Variants in COL6A3 observed in about 807,000 individuals in gnomAD.
COL6A3 encodes collagen type VI alpha 3 chain.
Under a neutral mutation model 274.1 loss-of-function variants are expected in COL6A3, and 137 were observed. The ratio of observed to expected loss-of-function variants is 0.50; its 90% CI spans 0.44 to 0.58. COL6A3 has a LOEUF of 0.58. Ranked by LOEUF, COL6A3 falls within the 20% of genes least tolerant of loss-of-function variation. The pLI, the probability that COL6A3 is intolerant of heterozygous loss-of-function variation, is 0.00. For missense variants in COL6A3, 3,950 were observed against 4,124.9 expected, an observed-to-expected ratio of 0.96 and a Z score of 1.16; for synonymous variants, 1,650 against 1,650.6, an observed-to-expected ratio of 1.00 and a Z score of 0.01.
Position 237,334,732 on chromosome 2 carries a change from C to T in COL6A3, c.9123G>A (p.Thr3041=), listed in dbSNP as rs61729843. ...SLVLKQNLTV[T]DRVIGGLLAG... is the part of the protein sequence containing the mutation. ...CGAGCAGGCCTCCAATGACGCGGTC[C>T]GTGACCGTGAGGTTCTGCTTCAGAA... The change falls in exon 41 of 44, where the codon ACG becomes ACA. Residue 3041 remains threonine (T), a synonymous_variant. Coordinates refer to ENST00000295550, the MANE Select transcript of COL6A3 (RefSeq NM_004369.4). 0.035 allele frequency: 56,088 copies of T among 1,614,024 alleles called. 1,123 individuals are homozygous for T. The highest frequency in any genetic ancestry group is 0.041 in the Non-Finnish European group (48,284 of 1,180,010).
At position 237,380,978 on chromosome 2, in the gene COL6A3, G is replaced by A. The variant is rs150162992; in HGVS notation, c.1834C>T (p.Pro612Ser). The change falls in exon 5 of 44, where the codon CCA (proline) becomes TCA (serine). Residue 612 changes from proline (P) to serine (S), a missense_variant. Around this residue, in one of 5 missense-constraint regions of COL6A3, gnomAD observed 1,934 missense variants for 1,984.3 expected, o/e 0.97. Transcript: ENST00000295550. ...AAGCCAGGCAGCATGCCTTGCAATG[G>A]GGCGGCTCGGAACTCAGCTGGGATG... ...VFIPAEFRAAPLQGMLPGLLA... is the reference protein window; with the variant it reads ...VFIPAEFRAASLQGMLPGLLA... 1 of 1,614,190 alleles carries A rather than the reference G, an allele frequency of 6.2e-7. No homozygotes were observed. Among genetic ancestry groups the A allele is most frequent in the South Asian group, 1.1e-5 (1 of 91,080 alleles).
chr2:237,400,281 G>A (rs2078556985), intron 1 of COL6A3, among the ~76,000 whole-genome samples: 1 of 152,120 alleles, frequency 6.6e-6, no homozygotes, highest in Admixed American at 6.5e-5. Flanking sequence ...TTTGAAATGT[G>A]ACTTTTTTCA....
chr2:237,353,682 C>T (rs1009487231), intron 24 of COL6A3, among the ~76,000 whole-genome samples: 8 of 152,090 alleles, frequency 5.3e-5, no homozygotes, highest in African/African-American at 1.2e-4. Context: ...AGCAGAGGAC[C>T]GAGACACCGG....
chr2:237,333,011 C>T, intron 42 of COL6A3: 1 of 288,610 alleles, frequency 3.5e-6, no homozygotes, highest in East Asian at 8.1e-5. Context: ...GACCAGAACA[C>T]CCCATGGGTC....
At chr2:237,376,139 C>T (rs73093761) in intron 7 of COL6A3, among the ~76,000 whole-genome samples, 8,416 of 152,186 alleles carry the variant, frequency 0.055, 598 homozygotes, top group African/African-American at 0.16. Flanking sequence ...CCCAAGCCAA[C>T]GGCCAATGGG....
chr2:237,400,257 A>G (rs1432448830), intron 1 of COL6A3, among the ~76,000 whole-genome samples: 2 of 152,262 alleles, frequency 1.3e-5, no homozygotes, highest in African/African-American at 2.4e-5. Context: ...CTGGGTATCA[A>G]GTATATGTCA....
chr2:237,409,106 G>A (rs1342045712), intron 1 of COL6A3, among the ~76,000 whole-genome samples: 2 of 152,096 alleles, frequency 1.3e-5, no homozygotes, highest in Non-Finnish European at 2.9e-5. Context: ...CCCTGTCACT[G>A]GGCATACCTC....
Position 237,374,011 on chromosome 2 carries a change from A to C in COL6A3, c.3679+401T>G, listed in dbSNP as rs138001316. Among the ~76,000 whole-genome samples the C allele has an allele frequency of 2.1e-3, 325 of 152,128 alleles. 2 individuals carry two copies. Among genetic ancestry groups the C allele is most frequent in the African/African-American group, 7.3e-3 (303 of 41,492 alleles). On this transcript the variant is annotated intron_variant, in intron 8 of 43. Coordinates refer to ENST00000295550, the MANE Select transcript of COL6A3 (RefSeq NM_004369.4). The surrounding 1 kb of genome is among the most constrained non-coding windows in gnomAD (Gnocchi z 4.8). ...CAGCTTGCAGAGTGTCCCTGGTCAG[A>C]CTCCTTCCTGCCTCACAGAAGGCTG...
At chr2:237,408,972 A>G (rs1213468118) in intron 1 of COL6A3, among the ~76,000 whole-genome samples, 2 of 152,194 alleles carry the variant, frequency 1.3e-5, no homozygotes, top group Non-Finnish European at 2.9e-5. Flanking sequence ...GGGAATGGGA[A>G]GAGTACCTTT....
rs763810209 is a variant in COL6A3, at chr2:237,377,335, C to A, written c.2507G>T (p.Arg836Leu). ...EVPLAQPESK[R>L]DILFLFDGSA... Reference sequence around the variant, plus strand: ...GCCGTCAAAGAGGAACAGAATGTCTCGCTTGCTCTCTGCAATGAAGGTAGA... The same window carrying A: ...GCCGTCAAAGAGGAACAGAATGTCTAGCTTGCTCTCTGCAATGAAGGTAGA... Residue 836 changes from arginine (R) to leucine (L), a missense_variant, in exon 7 of 44, where the codon CGA becomes CTA. Arg to Leu is a moderately radical substitution (Grantham distance 102, BLOSUM62 -2). Around this residue, in one of 5 missense-constraint regions of COL6A3, gnomAD observed 1,934 missense variants for 1,984.3 expected, o/e 0.97. Transcript: ENST00000295550. 3.1e-6 allele frequency: 5 copies of A among 1,600,028 alleles called. No homozygotes were observed. The highest frequency in any genetic ancestry group is 4.2e-6 in the Non-Finnish European group (5 of 1,179,948).
intron 7 of COL6A3, among the ~76,000 whole-genome samples, chr2:237,376,304 GA>G (rs1197743069): frequency 2.0e-5 from 3 of 152,192 alleles, no homozygotes; most frequent in Non-Finnish European, 4.4e-5. Context: ...TTTTAATGCA[GA>G]GTTTATGGTG....
At chr2:237,387,392 G>A (rs1447955941) in intron 4 of COL6A3, among the ~76,000 whole-genome samples, 190 bp downstream of exon 4, 3 of 152,180 alleles carry the variant, frequency 2.0e-5, no homozygotes, top group Admixed American at 6.5e-5. Flanking sequence ...TCACTCATTG[G>A]TCTTTAGTTT....
In COL6A3 at chr2:237,361,940, G is replaced by A; in HGVS notation, c.6064-109C>T. 2 of 944,444 alleles carry A rather than the reference G, an allele frequency of 2.1e-6. No homozygotes were observed. Among genetic ancestry groups the A allele is most frequent in the Admixed American group, 3.8e-5 (2 of 53,164 alleles). The allele number at this position is 944,444 out of a possible 1,614,324, so 58.5% of individuals were successfully genotyped here. On this transcript the variant is annotated intron_variant, in intron 14 of 43. Coordinates refer to ENST00000295550, the MANE Select transcript of COL6A3 (RefSeq NM_004369.4). This position sits in a 1 kb window ranked among gnomAD's most constrained non-coding sequence, Gnocchi z 5.1. ...CGGATGTGTGGGGGTTTCACGGTGT[G>A]AGATGAAGTCCCTCCAGGTGACATT...
intron 42 of COL6A3, among the ~76,000 whole-genome samples, chr2:237,331,717 CT>C (rs1244027898): frequency 1.1e-5 from 1 of 87,356 alleles, no homozygotes; most frequent in African/African-American, 5.6e-5. Flanking sequence ...GGGCCTTGTT[CT>C]TTTTTTAAAA....
rs1004176451 is a variant in COL6A3, at chr2:237,361,980, C to T, written c.6064-149G>A. On this transcript the variant is annotated intron_variant, in intron 14 of 43. Transcript: ENST00000295550. This position sits in a 1 kb window ranked among gnomAD's most constrained non-coding sequence, Gnocchi z 5.1. ...CAGGTGACATTTGCTGGACGACTGACGATATGATAGAAATTGCCAGCGAAG... is the reference window on the plus strand; with the variant it reads ...CAGGTGACATTTGCTGGACGACTGATGATATGATAGAAATTGCCAGCGAAG... The T allele has an allele frequency of 2.6e-5, 20 of 782,178 alleles. No homozygotes were observed. Among genetic ancestry groups the T allele is most frequent in the African/African-American group, 2.2e-4 (13 of 58,430 alleles). The allele number at this position is 782,178 out of a possible 1,614,324, so 48.5% of individuals were successfully genotyped here.
intron 1 of COL6A3, among the ~76,000 whole-genome samples, 159 bp from the exon 2 acceptor site, chr2:237,397,006 AGTTAGATAGAT>A (rs1362241583): frequency 7.2e-6 from 1 of 138,504 alleles, no homozygotes; most frequent in African/African-American, 2.7e-5. Context: ...GATGATAGAC[AGTTAGATAGAT>A]GATAGATAGA....
chr2:237,338,232 T>C (rs1300360278), intron 39 of COL6A3, among the ~76,000 whole-genome samples: 1 of 152,198 alleles, frequency 6.6e-6, no homozygotes, highest in Non-Finnish European at 1.5e-5. Context: ...CCTTGCACAC[T>C]TGTCTTCTCT....
chr2:237,352,678 C>T (rs557935651), intron 25 of COL6A3, 94 bp from the exon 26 acceptor site: 1,300 of 1,232,034 alleles, frequency 1.1e-3, no homozygotes, highest in Non-Finnish European at 1.4e-3. Context: ...GGCCTGGAAC[C>T]TCACTTCTGC....
chr2:237,330,587 A>G (rs1202088389), intron 42 of COL6A3, among the ~76,000 whole-genome samples: 5 of 152,208 alleles, frequency 3.3e-5, no homozygotes, highest in Non-Finnish European at 7.3e-5. Flanking sequence ...TGCCCTAGGT[A>G]TATTAATGGA....
Sources: allele counts gnomAD v4.1 joint callset (sites outside exome capture counted in the v4.1 genomes callset), GRCh38; gene constraint gnomAD v4.1.1; regional missense constraint gnomAD v4.1.1; non-coding constraint Gnocchi (gnomAD v3.1); transcripts MANE v1.5; gene names NCBI Gene and HGNC (gene_info 2026-07-23, HGNC 2026-07-21).